USP34: variants seen among roughly 807,000 people sequenced by gnomAD.
USP34 encodes ubiquitin carboxyl-terminal hydrolase 34.
In USP34, 70 loss-of-function variants were observed where a neutral mutation model predicts 460.3. The ratio of observed to expected loss-of-function variants is 0.15; its 90% CI spans 0.13 to 0.19. The LOEUF is 0.19. Among genes scored for constraint, USP34 ranks in the 10% least tolerant of loss-of-function variants. USP34 has a pLI of 1.00. For missense variants in USP34, 3,985 were observed against 4,236.2 expected, an observed-to-expected ratio of 0.94 and a Z score of 1.65; for synonymous variants, 1,647 against 1,405.3, an observed-to-expected ratio of 1.17 and a Z score of -3.85.
At chr2:61,391,530 G>A (rs914466657) in intron 5 of USP34, among the ~76,000 whole-genome samples, 3 of 152,078 alleles carry the variant, frequency 2.0e-5, no homozygotes, top group Non-Finnish European at 4.4e-5. Flanking sequence ...ACAAACGGCT[G>A]CCCTAAAATC....
At chr2:61,201,016 A>C (rs1170802036) in intron 75 of USP34, among the ~76,000 whole-genome samples, 1 of 151,972 alleles carries the variant, frequency 6.6e-6, no homozygotes, top group Non-Finnish European at 1.5e-5. Context: ...TTTCTTGCTC[A>C]ATTTGTGGAG....
intron 43 of USP34, among the ~76,000 whole-genome samples, chr2:61,262,146 G>C (rs1323029472): frequency 7.7e-6 from 1 of 129,774 alleles, no homozygotes; most frequent in Non-Finnish European, 1.6e-5. Flanking sequence ...TAGATAGATA[G>C]ATAGATAGAT....
At chr2:61,244,788 T>C (rs1466368066) in intron 51 of USP34, among the ~76,000 whole-genome samples, 1 of 152,132 alleles carries the variant, frequency 6.6e-6, no homozygotes, top group African/African-American at 2.4e-5. Context: ...TTTTTTTAAT[T>C]TCTTTTTTTC....
At chr2:61,465,215 G>C (rs1385608010) in intron 1 of USP34, among the ~76,000 whole-genome samples, 1 of 152,082 alleles carries the variant, frequency 6.6e-6, no homozygotes, top group African/African-American at 2.4e-5. Flanking sequence ...TGGGGCAAGG[G>C]TACTTATGAT....
intron 20 of USP34, among the ~76,000 whole-genome samples, chr2:61,330,036 G>A (rs1691212526): frequency 1.3e-5 from 2 of 152,158 alleles, no homozygotes; most frequent in African/African-American, 4.8e-5. Flanking sequence ...TTGCGGAAAT[G>A]TCAACTTGTG....
intron 66 of USP34, 100 bp downstream of exon 66, chr2:61,221,402 T>G: frequency 9.3e-7 from 1 of 1,077,854 alleles, no homozygotes; most frequent in Non-Finnish European, 1.3e-6. Context: ...AAAACCATCT[T>G]GGGGTAATAA....
intron 2 of USP34, among the ~76,000 whole-genome samples, chr2:61,418,293 T>A (rs920426616): frequency 6.6e-6 from 1 of 152,242 alleles, no homozygotes; most frequent in South Asian, 2.1e-4. Flanking sequence ...TTGGTCAGGC[T>A]GGTCTCGAAC....
intron 41 of USP34, among the ~76,000 whole-genome samples, chr2:61,267,442 GA>G (rs1017133887): frequency 2.6e-5 from 4 of 151,224 alleles, no homozygotes; most frequent in Admixed American, 6.6e-5. Context: ...GTGGTTAGGA[GA>G]TTTTTTTTTT....
chr2:61,348,632 C>G, intron 14 of USP34, 124 bp downstream of exon 14: 8 of 1,444,022 alleles, frequency 5.5e-6, no homozygotes, highest in African/African-American at 1.4e-5. Flanking sequence ...CAAAGGATGT[C>G]AAAAATATTA....
intron 75 of USP34, among the ~76,000 whole-genome samples, chr2:61,194,947 C>T (rs1686753911): frequency 1.0e-5 from 1 of 95,842 alleles, no homozygotes; most frequent in African/African-American, 4.0e-5. Flanking sequence ...GAGTGAAACT[C>T]TGTCAAAAAA....
intron 23 of USP34, among the ~76,000 whole-genome samples, chr2:61,315,381 T>C (rs1208883835): frequency 2.0e-5 from 3 of 152,090 alleles, no homozygotes; most frequent in Non-Finnish European, 4.4e-5. Flanking sequence ...CCAATTTTTT[T>C]TTTTTTTTGA....
rs1691346054 is a variant in USP34 at position 61,333,979 on chromosome 2, A to G, written c.2745-8T>C. 1.3e-6 allele frequency: 2 copies of G among 1,542,886 alleles called. No individual in the cohort carries two copies. Among genetic ancestry groups the G allele is most frequent in the Non-Finnish European group, 1.7e-6 (2 of 1,146,752 alleles). ...AGTGAAATTACTACTGATCTGAAAC[A>G]GCAGAAACATTCACAAAATAATTTT... On this transcript the variant is annotated splice_polypyrimidine_tract_variant and splice_region_variant and intron_variant, in intron 18 of 79. Transcript: ENST00000398571.
chr2:61,192,707 TAA>T (rs1423018005), intron 76 of USP34, among the ~76,000 whole-genome samples, 192 bp downstream of exon 76: 2 of 152,210 alleles, frequency 1.3e-5, no homozygotes, highest in Non-Finnish European at 2.9e-5. Flanking sequence ...GAAATCTACT[TAA>T]GTTAAAAAAA....
At position 61,427,041 on chromosome 2, in the gene USP34, A is replaced by G. The variant is rs372852579; in HGVS notation, c.44-6208T>C. 5.9e-5 allele frequency among the ~76,000 whole-genome samples: 9 copies of G among 152,220 alleles called. No homozygotes were observed. In the East Asian group the frequency reaches 1.7e-3, roughly 29 times the overall value. On this transcript the variant is annotated intron_variant, in intron 1 of 79. Coordinates refer to ENST00000398571, the MANE Select transcript of USP34 (RefSeq NM_014709.4). The stretch of plus-strand genomic sequence containing the variant: ...GATACAGCTTAGATCACAATACCCA[A>G]GTTTTTTTCTTTTTGACATGGAGTT...
At chr2:61,399,387 T>C (rs1693641181) in intron 3 of USP34, among the ~76,000 whole-genome samples, 2 of 151,988 alleles carry the variant, frequency 1.3e-5, no homozygotes, top group African/African-American at 2.4e-5. Context: ...TATGCAGTGT[T>C]ACTCAGATTT....
intron 1 of USP34, among the ~76,000 whole-genome samples, chr2:61,431,141 T>TAGC (rs1694665229): frequency 6.6e-6 from 1 of 152,336 alleles, no homozygotes; most frequent in Admixed American, 6.5e-5. Context: ...GAATTATACC[T>TAGC]AGCCAGGAGG....
At chr2:61,302,019 G>A (rs1226483899) in intron 27 of USP34, among the ~76,000 whole-genome samples, 1 of 152,166 alleles carries the variant, frequency 6.6e-6, no homozygotes, top group African/African-American at 2.4e-5. Flanking sequence ...AGGAAAGGAA[G>A]ACTGACAAAT....
chr2:61,467,933 T>C (rs1412289253), intron 1 of USP34, among the ~76,000 whole-genome samples: 1 of 151,990 alleles, frequency 6.6e-6, no homozygotes, highest in Non-Finnish European at 1.5e-5. Flanking sequence ...CGGCCAACTC[T>C]GAATTTCTAA....
At chr2:61,262,618 G>A (rs1158759660) in intron 43 of USP34, among the ~76,000 whole-genome samples, 1 of 152,026 alleles carries the variant, frequency 6.6e-6, no homozygotes, top group African/African-American at 2.4e-5. Context: ...CCATGTTTTT[G>A]CTAGTGTGAA....
Sources: allele counts gnomAD v4.1 joint callset (sites outside exome capture counted in the v4.1 genomes callset), GRCh38; gene constraint gnomAD v4.1.1; transcripts MANE v1.5; gene names NCBI Gene and HGNC (gene_info 2026-07-23, HGNC 2026-07-21).